The following EPHA6 variants were observed in gnomAD, a reference collection of about 807,000 sequenced individuals.
EPHA6 encodes the protein ephrin type-A receptor 6.
A neutral mutation model predicts 112.0 loss-of-function variants in EPHA6; 50 were observed. The observed-to-expected ratio is 0.45, with a 90% CI of 0.36 to 0.56. EPHA6 has a LOEUF of 0.56. EPHA6 is among the 20% of genes least tolerant of loss of function. EPHA6 has a pLI of 0.00. For synonymous variants in EPHA6, 529 were observed against 490.7 expected (o/e 1.08, Z -1.03); for missense variants, 1,280 against 1,417.4 (o/e 0.90, Z 1.56).
chr3:97,688,431 G>A (rs2032410327), intron 14 of EPHA6, among the ~76,000 whole-genome samples: 1 of 151,810 alleles, frequency 6.6e-6, no homozygotes. Context: ...GTCCTTTGTA[G>A]GGACATGGAT....
chr3:97,537,581 TTTTG>T (rs138411883), intron 11 of EPHA6, among the ~76,000 whole-genome samples: 2,760 of 152,224 alleles, frequency 0.018, 84 homozygotes, highest in African/African-American at 0.063. Context: ...TCTAGTCAAC[TTTTG>T]TTTGTTTGTT....
At chr3:97,123,639 G>A (rs888477949) in intron 3 of EPHA6, among the ~76,000 whole-genome samples, 1 of 152,086 alleles carries the variant, frequency 6.6e-6, no homozygotes, top group Non-Finnish European at 1.5e-5. Flanking sequence ...AGAATCAAAA[G>A]GATAGTTTGA....
chr3:96,917,418 CAAAAAA>C (rs5851049), intron 2 of EPHA6, among the ~76,000 whole-genome samples: 2 of 58,086 alleles, frequency 3.4e-5, no homozygotes, highest in Non-Finnish European at 7.4e-5. Flanking sequence ...GACTCCATCT[CAAAAAA>C]AAAAAAAAAA....
intron 2 of EPHA6, among the ~76,000 whole-genome samples, chr3:96,969,263 A>G (rs2107777633): frequency 6.6e-6 from 1 of 152,032 alleles, no homozygotes; most frequent in East Asian, 1.9e-4. Context: ...AAAATTAAAT[A>G]ATATAACCAA....
chr3:97,613,354 T>C (rs2093736590), intron 13 of EPHA6, among the ~76,000 whole-genome samples: 1 of 152,168 alleles, frequency 6.6e-6, no homozygotes, highest in African/African-American at 2.4e-5. Context: ...GTGCACTGTG[T>C]AGTAGGGGAG....
chr3:97,618,886 G>A (rs547073832), intron 13 of EPHA6, among the ~76,000 whole-genome samples: 2 of 152,082 alleles, frequency 1.3e-5, no homozygotes, highest in East Asian at 3.9e-4. Flanking sequence ...AAATTGAAAA[G>A]GAAGGACTCC....
In EPHA6 at chr3:97,593,867, C is replaced by T. The variant is rs537165883; in HGVS notation, c.2512+1130C>T. On this transcript the variant is annotated intron_variant, in intron 12 of 17. Coordinates refer to ENST00000389672, the MANE Select transcript of EPHA6 (RefSeq NM_001080448.3). Reference sequence around the variant, plus strand: ...AAGAATACCACTGAAAGAGCAGAAACCAAAATTACACGAGTTAAAAGATTG... The same window carrying T: ...AAGAATACCACTGAAAGAGCAGAAATCAAAATTACACGAGTTAAAAGATTG... 6.6e-5 allele frequency among the ~76,000 whole-genome samples: 10 copies of T among 152,226 alleles called. No homozygotes were observed. In the South Asian group the frequency reaches 8.3e-4, roughly 13 times the overall value.
At chr3:96,979,137 C>G (rs1576229106) in intron 2 of EPHA6, among the ~76,000 whole-genome samples, 1 of 151,926 alleles carries the variant, frequency 6.6e-6, no homozygotes, top group African/African-American at 2.4e-5. Flanking sequence ...TATATATGTG[C>G]CATGTTTGTG....
chr3:97,465,798 T>A (rs555199825), intron 7 of EPHA6, among the ~76,000 whole-genome samples: 1 of 152,150 alleles, frequency 6.6e-6, no homozygotes, highest in South Asian at 2.1e-4. Flanking sequence ...TAGCCTCAAA[T>A]TCATGTTACC....
At position 97,504,325 on chromosome 3, in the gene EPHA6, C is replaced by T. The variant is rs548610586; in HGVS notation, c.2200+20266C>T. Among the ~76,000 whole-genome samples, 6 of 152,218 alleles carry T rather than the reference C, an allele frequency of 3.9e-5. No homozygotes were observed. In the East Asian group the frequency reaches 1.2e-3, roughly 29 times the overall value. On this transcript the variant is annotated intron_variant, in intron 10 of 17. Transcript: ENST00000389672. ...TTAATAAGTGAGAGAAGAAAGAGCT[C>T]TGCAGTGGGTAGGGGGCCCGGAAGT...
intron 3 of EPHA6, among the ~76,000 whole-genome samples, chr3:97,050,690 T>C (rs186592149): frequency 1.3e-4 from 20 of 152,314 alleles, no homozygotes; most frequent in Admixed American, 5.9e-4. Context: ...CTGTATCTTA[T>C]ATTGAGCACA....
chr3:97,379,422 G>A (rs1244978408), intron 5 of EPHA6, among the ~76,000 whole-genome samples: 1 of 151,390 alleles, frequency 6.6e-6, no homozygotes, highest in Non-Finnish European at 1.5e-5. Flanking sequence ...TTTTTCTAGA[G>A]AATCTAGAAA....
intron 6 of EPHA6, among the ~76,000 whole-genome samples, chr3:97,424,707 G>A (rs2088959496): frequency 6.6e-6 from 1 of 151,428 alleles, no homozygotes; most frequent in African/African-American, 2.4e-5. Context: ...TTGGGAGGCT[G>A]AGGCAGGAGA....
chr3:97,124,745 A>G (rs1289987126), intron 3 of EPHA6, among the ~76,000 whole-genome samples: 1 of 152,182 alleles, frequency 6.6e-6, no homozygotes, highest in Non-Finnish European at 1.5e-5. Context: ...TCATTCTGAG[A>G]CAGTCCCACT....
chr3:97,636,589 G>T (rs1449908275), intron 13 of EPHA6, among the ~76,000 whole-genome samples: 1 of 152,038 alleles, frequency 6.6e-6, no homozygotes, highest in Non-Finnish European at 1.5e-5. Flanking sequence ...TAAGTTGATA[G>T]AGCAAGACAA....
chr3:97,551,867 A>G (rs1420722030), intron 11 of EPHA6, among the ~76,000 whole-genome samples: 1 of 152,172 alleles, frequency 6.6e-6, no homozygotes, highest in Non-Finnish European at 1.5e-5. Context: ...AAGCTACTGG[A>G]GGGACTTGAG....
chr3:97,745,244 G>T, intron 16 of EPHA6: 1 of 303,756 alleles, frequency 3.3e-6, no homozygotes, highest in Non-Finnish European at 6.5e-6. Context: ...TTACAATATT[G>T]ATTAACATAA....
intron 5 of EPHA6, among the ~76,000 whole-genome samples, chr3:97,327,893 A>G (rs1402769893): frequency 6.8e-6 from 1 of 146,992 alleles, no homozygotes; most frequent in East Asian, 2.0e-4. Flanking sequence ...GTGTATATAT[A>G]TGTATATGTG....
At chr3:97,475,649 G>A (rs572367859) in intron 8 of EPHA6, among the ~76,000 whole-genome samples, 189 bp downstream of exon 8, 5 of 152,176 alleles carry the variant, frequency 3.3e-5, no homozygotes, top group Non-Finnish European at 5.9e-5. Flanking sequence ...GGAAAGATCC[G>A]AAGATGACTA....
Sources: allele counts gnomAD v4.1 joint callset (sites outside exome capture counted in the v4.1 genomes callset), GRCh38; gene constraint gnomAD v4.1.1; transcripts MANE v1.5; gene names NCBI Gene and HGNC (gene_info 2026-07-23, HGNC 2026-07-21).